The following ABLIM2 variants were observed in gnomAD, a reference collection of about 807,000 sequenced individuals.
ABLIM2 encodes actin-binding LIM protein 2.
ABLIM2 carries 53 observed loss-of-function variants against 97.7 expected under a neutral mutation model. The observed-to-expected ratio is 0.54, with a 90% CI of 0.44 to 0.68. The LOEUF is 0.68. ABLIM2 is among the 30% of genes least tolerant of loss of function. ABLIM2 has a pLI of 0.00. For synonymous variants in ABLIM2, 361 were observed against 345.8 expected (o/e 1.04, Z -0.49); for missense variants, 835 against 867.2 (o/e 0.96, Z 0.47).
intron 9 of ABLIM2, 39 bp downstream of exon 9, chr4:8,045,125 C>A (rs778580777): frequency 6.3e-7 from 1 of 1,589,882 alleles, no homozygotes; most frequent in Non-Finnish European, 8.6e-7. Flanking sequence ...TCTCTCTCCA[C>A]CCTCCCACCG....
chr4:8,052,739 G>C (rs1334950186), intron 8 of ABLIM2, among the ~76,000 whole-genome samples: 1 of 152,240 alleles, frequency 6.6e-6, no homozygotes, highest in Non-Finnish European at 1.5e-5. Context: ...GCTCAGACGG[G>C]CCTGCATCGG....
intron 18 of ABLIM2, among the ~76,000 whole-genome samples, 199 bp downstream of exon 18, chr4:7,984,640 G>A (rs961628516): frequency 4.6e-5 from 7 of 152,256 alleles, no homozygotes; most frequent in African/African-American, 9.6e-5. Flanking sequence ...AGCATCGCGG[G>A]TAAAGCTAGC....
At chr4:8,026,708 T>C (rs1288896270) in intron 12 of ABLIM2, among the ~76,000 whole-genome samples, 1 of 152,248 alleles carries the variant, frequency 6.6e-6, no homozygotes, top group Non-Finnish European at 1.5e-5. Flanking sequence ...TACCACAGCC[T>C]GTGTGGCTTA....
At chr4:7,982,607 C>T (rs183400666) in intron 20 of ABLIM2, among the ~76,000 whole-genome samples, 17 of 152,244 alleles carry the variant, frequency 1.1e-4, no homozygotes, top group East Asian at 7.7e-4. Context: ...TGCATTTGTC[C>T]GGTTATTTTA....
At chr4:8,151,105 T>C (rs1251010536) in intron 1 of ABLIM2, among the ~76,000 whole-genome samples, 1 of 152,162 alleles carries the variant, frequency 6.6e-6, no homozygotes, top group Non-Finnish European at 1.5e-5. Flanking sequence ...AAAGGGCATT[T>C]AAACAATCCG....
intron 20 of ABLIM2, among the ~76,000 whole-genome samples, chr4:7,982,895 G>T (rs1739935540): frequency 6.6e-6 from 1 of 152,108 alleles, no homozygotes; most frequent in Admixed American, 6.5e-5. Flanking sequence ...GTAGAGAGGG[G>T]TTTCACCATG....
chr4:8,039,392 G>C (rs551538970), intron 9 of ABLIM2, among the ~76,000 whole-genome samples: 207 of 152,246 alleles, frequency 1.4e-3, no homozygotes, highest in African/African-American at 4.7e-3. Flanking sequence ...TGACAGCAGG[G>C]GTCAGAGAGG....
intron 16 of ABLIM2, among the ~76,000 whole-genome samples, chr4:7,995,811 T>A (rs997880580): frequency 2.1e-5 from 3 of 140,136 alleles, no homozygotes; most frequent in African/African-American, 5.3e-5. Context: ...GGGGCGGGGG[T>A]CGGGGGCCAG....
At chr4:8,115,899 C>T (rs550549269) in intron 1 of ABLIM2, among the ~76,000 whole-genome samples, 1 of 152,178 alleles carries the variant, frequency 6.6e-6, no homozygotes, top group South Asian at 2.1e-4. Flanking sequence ...GGGAACCCGG[C>T]GGCCATGCTG....
Position 8,140,910 on chromosome 4 carries a change from G to A in ABLIM2, c.10+17770C>T, listed in dbSNP as rs1276912503. On this transcript the variant is annotated intron_variant, in intron 1 of 20. Coordinates refer to ENST00000447017, the MANE Select transcript of ABLIM2 (RefSeq NM_001130083.2). The surrounding 1 kb of genome is among the most constrained non-coding windows in gnomAD (Gnocchi z 5.9). ...AGAGGAGGCCTGGGTGGTGTGAACG[G>A]TGTTTTTCTAGAACTCCTTACTCAT... Among the ~76,000 whole-genome samples the A allele has an allele frequency of 6.6e-6, 1 of 152,168 alleles. No individual in the cohort carries two copies. The highest frequency in any genetic ancestry group is 2.1e-4 in the South Asian group (1 of 4,828).
At chr4:8,084,961 C>G (rs1369544450) in intron 4 of ABLIM2, among the ~76,000 whole-genome samples, 1 of 152,200 alleles carries the variant, frequency 6.6e-6, no homozygotes, top group Middle Eastern at 3.2e-3. Flanking sequence ...AGCAATGGGT[C>G]AGCACTGGAG....
intron 1 of ABLIM2, 64 bp from the exon 2 acceptor site, chr4:8,106,701 G>A (rs1019997300): frequency 6.5e-7 from 1 of 1,532,722 alleles, no homozygotes. Context: ...GGTGAGCAAA[G>A]CAGGCGTGTG....
Position 8,032,731 on chromosome 4 carries a change from G to A in ABLIM2, c.1048-2955C>T. The stretch of plus-strand genomic sequence containing the variant: ...CATTAGTGCTGGCGCCAGGCAGAGA[G>A]GGAGGAGGGCAGTTCCGTGACTGGC... On this transcript the variant is annotated intron_variant, in intron 10 of 20. Coordinates refer to ENST00000447017, the MANE Select transcript of ABLIM2 (RefSeq NM_001130083.2). This position sits in a 1 kb window ranked among gnomAD's most constrained non-coding sequence, Gnocchi z 4.3. The A allele has an allele frequency of 6.2e-7, 1 of 1,606,946 alleles. No homozygotes were observed. Among genetic ancestry groups the A allele is most frequent in the South Asian group, 1.1e-5 (1 of 90,880 alleles).
chr4:8,156,901 G>A (rs1715548074), intron 1 of ABLIM2, among the ~76,000 whole-genome samples: 3 of 152,268 alleles, frequency 2.0e-5, no homozygotes, highest in South Asian at 4.1e-4. Flanking sequence ...TGGGGACAGG[G>A]CTGGGCAGGG....
At position 8,105,265 on chromosome 4, in the gene ABLIM2, G is replaced by A. The variant is rs558426817; in HGVS notation, c.154+1229C>T. 5.3e-5 allele frequency among the ~76,000 whole-genome samples: 8 copies of A among 149,716 alleles called. No homozygotes were observed. The South Asian group carries it at 1.7e-3, about 31-fold the overall frequency. On this transcript the variant is annotated intron_variant, in intron 2 of 20. Transcript: ENST00000447017. ...GGAGTCTTCGAAATCCTTCCCTGTG[G>A]GCATCCCCCCCTACACACATATACT... is the stretch of plus-strand genomic sequence containing the variant.
chr4:8,118,889 C>T (rs888117625), intron 1 of ABLIM2, among the ~76,000 whole-genome samples: 20 of 152,196 alleles, frequency 1.3e-4, no homozygotes, highest in Non-Finnish European at 1.9e-4. Flanking sequence ...AGGACCTAAG[C>T]GCCCTTCTTT....
intron 6 of ABLIM2, among the ~76,000 whole-genome samples, chr4:8,062,672 C>T (rs563563185): frequency 6.6e-6 from 1 of 152,252 alleles, no homozygotes; most frequent in African/African-American, 2.4e-5. Flanking sequence ...ATCTCCTGAC[C>T]TCGTGATCCG....
rs1367984548 is a variant in ABLIM2, at chr4:8,068,719, G to A, written c.676-7665C>T. On this transcript the variant is annotated intron_variant, in intron 6 of 20. Transcript: ENST00000447017. This position sits in a 1 kb window ranked among gnomAD's most constrained non-coding sequence, Gnocchi z 4.5. ...CCCCGCTGCGGGCTCCCGCTCAGCC[G>A]AGGGCCAGGGCTGGGCCTGCGGGCT... is the stretch of plus-strand genomic sequence containing the variant. Among the ~76,000 whole-genome samples, 4 of 152,188 alleles carry A rather than the reference G, an allele frequency of 2.6e-5. No individual in the cohort carries two copies. The highest frequency in any genetic ancestry group is 3.9e-4 in the East Asian group (2 of 5,190).
intron 20 of ABLIM2, among the ~76,000 whole-genome samples, chr4:7,969,273 G>A (rs1242755654): frequency 6.6e-6 from 1 of 152,092 alleles, no homozygotes; most frequent in African/African-American, 2.4e-5. Flanking sequence ...GGGCAACATG[G>A]TGAGACTCCA....
Sources: gnomAD v4.1 joint callset for allele counts (sites outside exome capture counted in the v4.1 genomes callset) on GRCh38, gnomAD v4.1.1 for gene constraint, Gnocchi (gnomAD v3.1) non-coding constraint, MANE v1.5 for transcripts, NCBI Gene and HGNC (gene_info 2026-07-23, HGNC 2026-07-21) for gene names.